Variants in NRXN1 observed in about 807,000 individuals in gnomAD.
NRXN1 encodes the protein neurexin-1.
Under a neutral mutation model 150.9 loss-of-function variants are expected in NRXN1, and 39 were observed. The observed-to-expected ratio is 0.26, with a 90% CI of 0.20 to 0.34. The LOEUF (loss-of-function observed/expected upper bound fraction) is 0.34, where lower values mean the gene tolerates loss of function less well. Ranked by LOEUF, NRXN1 falls within the 10% of genes least tolerant of loss-of-function variation. NRXN1 has a pLI of 1.00. For synonymous variants in NRXN1, 924 were observed against 757.0 expected (o/e 1.22, Z -3.62); for missense variants, 1,815 against 1,949.9 (o/e 0.93, Z 1.30).
At chr2:50,970,849 A>G (rs988621767) in intron 2 of NRXN1, among the ~76,000 whole-genome samples, 1 of 152,068 alleles carries the variant, frequency 6.6e-6, no homozygotes, top group Non-Finnish European at 1.5e-5. Flanking sequence ...TAGTCTAAAA[A>G]GAACAACTTG....
chr2:50,865,426 T>C (rs895093333), intron 5 of NRXN1, among the ~76,000 whole-genome samples: 1 of 151,774 alleles, frequency 6.6e-6, no homozygotes, highest in Non-Finnish European at 1.5e-5. Context: ...AAAAAAGGAA[T>C]TGAGGCTCAA....
intron 5 of NRXN1, among the ~76,000 whole-genome samples, chr2:50,909,176 C>T (rs1459795399): frequency 3.9e-5 from 6 of 151,906 alleles, no homozygotes; most frequent in Non-Finnish European, 7.4e-5. Context: ...AAACAACATG[C>T]AGATGGCTGA....
Position 50,552,875 on chromosome 2 carries a change from T to C in NRXN1, c.1471A>G (p.Ile491Val), listed in dbSNP as rs200727557. 6.2e-7 allele frequency: 1 copy of C among 1,613,968 alleles called. No homozygotes were observed. The highest frequency in any genetic ancestry group is 8.5e-7 in the Non-Finnish European group (1 of 1,179,862). The change falls in exon 9 of 23, where the codon ATC (isoleucine) becomes GTC (valine). Residue 491 changes from isoleucine (I) to valine (V), a missense_variant. Coordinates refer to ENST00000401669, the MANE Select transcript of NRXN1 (RefSeq NM_001330078.2). ...PITFETPESFISLPKWNAKKT... is the reference protein window; with the variant it reads ...PITFETPESFVSLPKWNAKKT... ...TTTGCATTCCATTTAGGCAAAGAGATGAAAGACTCTGGGGTTTCAAAGGTG... is the reference window on the plus strand; with the variant it reads ...TTTGCATTCCATTTAGGCAAAGAGACGAAAGACTCTGGGGTTTCAAAGGTG...
intron 15 of NRXN1, among the ~76,000 whole-genome samples, chr2:50,484,449 T>A (rs571052151): frequency 6.6e-6 from 1 of 152,086 alleles, no homozygotes; most frequent in South Asian, 2.1e-4. Flanking sequence ...CAGGGATCCC[T>A]CCTCCAGGTC....
chr2:50,618,674 G>A (rs1016256938), intron 8 of NRXN1, among the ~76,000 whole-genome samples: 6 of 151,702 alleles, frequency 4.0e-5, no homozygotes, highest in Admixed American at 3.9e-4. Context: ...TCTGAAACAT[G>A]CAGATAATAA....
chr2:50,324,279 C>T (rs1296607304), intron 17 of NRXN1, among the ~76,000 whole-genome samples: 4 of 151,918 alleles, frequency 2.6e-5, no homozygotes, highest in African/African-American at 7.3e-5. Context: ...GTTAGGCAAC[C>T]GATTAAATGC....
At chr2:50,605,947 G>C (rs1276257999) in intron 8 of NRXN1, among the ~76,000 whole-genome samples, 1 of 152,028 alleles carries the variant, frequency 6.6e-6, no homozygotes, top group Non-Finnish European at 1.5e-5. Context: ...ATACATACAA[G>C]GGAAAATTAT....
At chr2:49,942,030 C>A (rs1330120731) in intron 22 of NRXN1, among the ~76,000 whole-genome samples, 1 of 152,000 alleles carries the variant, frequency 6.6e-6, no homozygotes, top group Non-Finnish European at 1.5e-5. Flanking sequence ...ATTAAGCATA[C>A]CAATGAAAAC....
At chr2:50,785,855 C>A (rs1381682737) in intron 5 of NRXN1, among the ~76,000 whole-genome samples, 1 of 152,034 alleles carries the variant, frequency 6.6e-6, no homozygotes, top group Non-Finnish European at 1.5e-5. Flanking sequence ...GTGATTGGAT[C>A]AGCCAAACTG....
chr2:49,983,187 G>A (rs1248349886), intron 21 of NRXN1, among the ~76,000 whole-genome samples: 1 of 152,072 alleles, frequency 6.6e-6, no homozygotes, highest in Non-Finnish European at 1.5e-5. Context: ...CTCTGTGTTT[G>A]TTATAGTTTG....
chr2:50,451,125 C>T (rs1573022121), intron 17 of NRXN1, among the ~76,000 whole-genome samples: 1 of 152,104 alleles, frequency 6.6e-6, no homozygotes, highest in Non-Finnish European at 1.5e-5. Flanking sequence ...TGCCACCACA[C>T]CCAGCTAATA....
chr2:50,244,963 T>C (rs1042359722), intron 17 of NRXN1, among the ~76,000 whole-genome samples: 1 of 151,962 alleles, frequency 6.6e-6, no homozygotes, highest in Admixed American at 6.6e-5. Context: ...TATATGTATT[T>C]TCTTTTAGGT....
chr2:50,656,122 G>T (rs1486714640), intron 5 of NRXN1, among the ~76,000 whole-genome samples: 1 of 151,656 alleles, frequency 6.6e-6, no homozygotes, highest in Non-Finnish European at 1.5e-5. Flanking sequence ...GCATTTTCTG[G>T]GACTTCTGAA....
At chr2:50,425,153 T>C in intron 17 of NRXN1, among the ~76,000 whole-genome samples, 1 of 152,194 alleles carries the variant, frequency 6.6e-6, no homozygotes, top group Admixed American at 6.5e-5. Context: ...TGAACTCTTT[T>C]GTGATAAAGT....
At chr2:50,500,048 A>T (rs1345722571) in intron 13 of NRXN1, among the ~76,000 whole-genome samples, 1 of 151,756 alleles carries the variant, frequency 6.6e-6, no homozygotes, top group African/African-American at 2.4e-5. Flanking sequence ...AGTGACCCCT[A>T]CCCTGATCCT....
chr2:50,376,040 T>TAC (rs1308511269), intron 17 of NRXN1, among the ~76,000 whole-genome samples: 1 of 142,594 alleles, frequency 7.0e-6, no homozygotes, highest in African/African-American at 2.9e-5. Context: ...TAAATACATA[T>TAC]ATATATACAC....
intron 18 of NRXN1, among the ~76,000 whole-genome samples, chr2:50,210,888 C>G (rs1402165): frequency 0.7 from 106,702 of 151,362 alleles, 38,687 homozygotes; most frequent in African/African-American, 0.85. Context: ...ATTACTTTCA[C>G]ATACATAAGA....
chr2:50,127,186 C>A (rs1006655641), intron 18 of NRXN1, among the ~76,000 whole-genome samples: 1 of 152,006 alleles, frequency 6.6e-6, no homozygotes, highest in African/African-American at 2.4e-5. Context: ...AAACATACGA[C>A]AATAGTTGAA....
At chr2:50,311,411 G>A (rs1200391863) in intron 17 of NRXN1, among the ~76,000 whole-genome samples, 1 of 152,096 alleles carries the variant, frequency 6.6e-6, no homozygotes, top group Non-Finnish European at 1.5e-5. Context: ...ACAAATAGGA[G>A]TGTATTTATG....
Sources: gnomAD v4.1 joint callset for allele counts (sites outside exome capture counted in the v4.1 genomes callset) on GRCh38, gnomAD v4.1.1 for gene constraint, MANE v1.5 for transcripts, NCBI Gene and HGNC (gene_info 2026-07-23, HGNC 2026-07-21) for gene names.